NEK11: variants seen among roughly 807,000 people sequenced by gnomAD.
NEK11 encodes NIMA related kinase 11.
NEK11 carries 72 observed loss-of-function variants against 80.7 expected under a neutral mutation model. That is an observed-to-expected ratio of 0.89 (90% CI 0.74 to 1.08). The LOEUF (loss-of-function observed/expected upper bound fraction) is 1.08, where lower values mean the gene tolerates loss of function less well. NEK11 is among the 50% of genes least tolerant of loss of function. The pLI is 0.00. For missense variants in NEK11, 764 were observed against 763.6 expected, an observed-to-expected ratio of 1.00 and a Z score of -0.01; for synonymous variants, 251 against 260.7, an observed-to-expected ratio of 0.96 and a Z score of 0.36.
At chr3:131,258,141 A>G (rs72991549) in intron 16 of NEK11, among the ~76,000 whole-genome samples, 19,173 of 140,816 alleles carry the variant, frequency 0.14, 1,748 homozygotes, top group East Asian at 0.3. Flanking sequence ...GCAGAATGAT[A>G]TAATGGACTC....
chr3:131,345,192 T>C (rs957694786), intron 17 of NEK11, among the ~76,000 whole-genome samples: 4 of 152,096 alleles, frequency 2.6e-5, no homozygotes, highest in Non-Finnish European at 5.9e-5. Context: ...AATAAATTAA[T>C]GGGAGTATGT....
chr3:131,209,384 T>C (rs932465104), intron 14 of NEK11, among the ~76,000 whole-genome samples: 9 of 152,210 alleles, frequency 5.9e-5, no homozygotes, highest in African/African-American at 2.2e-4. Context: ...TTTGCCGGTA[T>C]TTTATTGAGG....
rs183484456 is a variant in NEK11 at position 131,257,903 on chromosome 3, T to C, written c.1621+14407T>C. 1.1e-4 allele frequency among the ~76,000 whole-genome samples: 16 copies of C among 152,224 alleles called. No individual in the cohort carries two copies. In the East Asian group the frequency reaches 2.7e-3, roughly 26 times the overall value. On this transcript the variant is annotated intron_variant, in intron 16 of 17. Transcript: ENST00000383366. ...GTTTATAGCAGCGATTGCAAAAATA[T>C]GGAACCAGCATAAATGTTCATCAAC...
chr3:131,313,091 A>C (rs7426398), intron 17 of NEK11, among the ~76,000 whole-genome samples: 19,597 of 151,840 alleles, frequency 0.13, 1,848 homozygotes, highest in East Asian at 0.3. Flanking sequence ...GTTTTCTATT[A>C]CTGTGTTAGT....
rs1560563226 is a variant in NEK11 at position 131,132,775 on chromosome 3, G to T, written c.486G>T (p.Lys162Asn). The T allele has an allele frequency of 3.9e-6, 6 of 1,535,682 alleles. No individual in the cohort carries two copies. Among genetic ancestry groups the T allele is most frequent in the Non-Finnish European group, 5.3e-6 (6 of 1,128,004 alleles). The change falls in exon 6 of 18, where the codon AAG (lysine) becomes AAT (asparagine). Residue 162 changes from lysine to asparagine, a missense_variant. Coordinates refer to ENST00000383366, the MANE Select transcript of NEK11 (RefSeq NM_024800.5). ...TACTTCATCGAGACTTAAAGTCAAA[G>T]AATGTATTTCTGAAAAATAATCTCC... ...RRILHRDLKSKNVFLKNNLLK... is the reference protein window; with the variant it reads ...RRILHRDLKSNNVFLKNNLLK...
At chr3:131,169,369 G>A (rs553057407) in intron 13 of NEK11, among the ~76,000 whole-genome samples, 10 of 152,254 alleles carry the variant, frequency 6.6e-5, no homozygotes, top group South Asian at 4.1e-4. Flanking sequence ...GCTCTATGTC[G>A]CCTCTCAAAC....
intron 17 of NEK11, among the ~76,000 whole-genome samples, chr3:131,334,603 G>A (rs1367356099): frequency 6.6e-6 from 1 of 150,754 alleles, no homozygotes; most frequent in South Asian, 2.1e-4. Context: ...CAGAAGGCAA[G>A]AAATAACTAA....
intron 3 of NEK11, among the ~76,000 whole-genome samples, chr3:131,062,818 C>A (rs1217493099): frequency 6.6e-6 from 1 of 152,152 alleles, no homozygotes; most frequent in African/African-American, 2.4e-5. Flanking sequence ...ACCACATCAT[C>A]TCCTCTATTC....
At chr3:131,142,454 C>T (rs897949151) in intron 7 of NEK11, among the ~76,000 whole-genome samples, 1 of 152,154 alleles carries the variant, frequency 6.6e-6, no homozygotes, top group East Asian at 1.9e-4. Flanking sequence ...CTCTGGAGAT[C>T]ATATAAAATT....
chr3:131,341,272 AT>A (rs1195272366), intron 17 of NEK11, among the ~76,000 whole-genome samples: 1 of 152,198 alleles, frequency 6.6e-6, no homozygotes, highest in Non-Finnish European at 1.5e-5. Context: ...GGAATGACTG[AT>A]TTTGTTTTTG....
At chr3:131,293,159 G>A (rs983350418) in intron 17 of NEK11, among the ~76,000 whole-genome samples, 20 of 151,990 alleles carry the variant, frequency 1.3e-4, no homozygotes, top group Non-Finnish European at 5.9e-5. Flanking sequence ...TTTTTGCCTT[G>A]TAACTGACAT....
At position 131,228,516 on chromosome 3, in the gene NEK11, T is replaced by C. The variant is rs547592216; in HGVS notation, c.1400-12T>C. On this transcript the variant is annotated splice_polypyrimidine_tract_variant and intron_variant, in intron 14 of 17. Coordinates refer to ENST00000383366, the MANE Select transcript of NEK11 (RefSeq NM_024800.5). ...TAACTGGTAGTATCTGACTGTTTGT[T>C]CATTATTTCAGAGATCCCAGAAGAC... 1.3e-6 allele frequency: 2 copies of C among 1,595,084 alleles called. No individual in the cohort carries two copies. The highest frequency in any genetic ancestry group is 2.3e-5 in the South Asian group (2 of 87,044).
At chr3:131,084,289 T>C (rs2075691248) in intron 4 of NEK11, among the ~76,000 whole-genome samples, 1 of 152,226 alleles carries the variant, frequency 6.6e-6, no homozygotes, top group Non-Finnish European at 1.5e-5. Flanking sequence ...ACCCACATAG[T>C]GAACCACAAA....
At chr3:131,204,225 T>C (rs548079177) in intron 14 of NEK11, among the ~76,000 whole-genome samples, 1 of 152,234 alleles carries the variant, frequency 6.6e-6, no homozygotes, top group South Asian at 2.1e-4. Flanking sequence ...AGGAAGGGCA[T>C]GGATGCTCCA....
chr3:131,122,511 G>T (rs2082560781), intron 5 of NEK11, among the ~76,000 whole-genome samples: 1 of 152,256 alleles, frequency 6.6e-6, no homozygotes. Flanking sequence ...AGGTGCCTCA[G>T]TGCCCAGGAC....
chr3:131,318,126 G>A (rs150393698), intron 17 of NEK11, among the ~76,000 whole-genome samples: 4 of 152,156 alleles, frequency 2.6e-5, no homozygotes, highest in Non-Finnish European at 4.4e-5. Context: ...GGGGAAAGAG[G>A]GAAGTAAGGA....
intron 14 of NEK11, among the ~76,000 whole-genome samples, chr3:131,228,229 T>A (rs575983444): frequency 6.6e-6 from 1 of 152,314 alleles, no homozygotes; most frequent in Admixed American, 6.5e-5. Context: ...TAATAAGGAT[T>A]CATGCCTCCA....
At chr3:131,290,417 A>G (rs79053339) in intron 17 of NEK11, among the ~76,000 whole-genome samples, 6 of 152,352 alleles carry the variant, frequency 3.9e-5, no homozygotes, top group Non-Finnish European at 8.8e-5. Flanking sequence ...TGTCAGCAGC[A>G]ATGTTCTGAT....
At chr3:131,336,824 C>T (rs1582304971) in intron 17 of NEK11, among the ~76,000 whole-genome samples, 1 of 152,226 alleles carries the variant, frequency 6.6e-6, no homozygotes, top group African/African-American at 2.4e-5. Flanking sequence ...AGACACTTCT[C>T]AAAAGAAGAC....
Sources: gnomAD v4.1 joint callset for allele counts (sites outside exome capture counted in the v4.1 genomes callset) on GRCh38, gnomAD v4.1.1 for gene constraint, MANE v1.5 for transcripts, NCBI Gene and HGNC (gene_info 2026-07-23, HGNC 2026-07-21) for gene names.